Variants in EPHA6 observed in about 807,000 individuals in gnomAD.
The protein encoded by EPHA6 is ephrin type-A receptor 6.
A neutral mutation model predicts 112.0 loss-of-function variants in EPHA6; 50 were observed. That is an observed-to-expected ratio of 0.45 (90% CI 0.36 to 0.56). The LOEUF is 0.56. Among genes scored for constraint, EPHA6 ranks in the 20% least tolerant of loss-of-function variants. The probability of loss-of-function intolerance (pLI) is 0.00; values close to 1 mark genes in which losing one functional copy is unlikely to be tolerated. For missense variants in EPHA6, 1,280 were observed against 1,417.4 expected (o/e 0.90, Z 1.56); for synonymous variants, 529 against 490.7 (o/e 1.08, Z -1.03).
chr3:97,307,679 G>T (rs1204904704), intron 5 of EPHA6, among the ~76,000 whole-genome samples: 6 of 149,000 alleles, frequency 4.0e-5, no homozygotes, highest in African/African-American at 1.5e-4. Flanking sequence ...CTGTATTTAA[G>T]ATGAATCTCC....
Position 97,390,207 on chromosome 3 carries a change from A to G in EPHA6, c.1607-14943A>G, listed in dbSNP as rs75182603. Among the ~76,000 whole-genome samples the G allele has an allele frequency of 1.9e-3, 292 of 152,162 alleles. 8 individuals are homozygous for G. The East Asian group carries it at 0.05, about 26-fold the overall frequency. The stretch of plus-strand genomic sequence containing the variant: ...TCAAGATTTATTTCTATGGGCTTGA[A>G]CCAGAAACAATGGCAGTGAATTTGC... On this transcript the variant is annotated intron_variant, in intron 5 of 17. Transcript: ENST00000389672.
At chr3:97,430,975 C>G (rs1431723453) in intron 6 of EPHA6, among the ~76,000 whole-genome samples, 1 of 151,842 alleles carries the variant, frequency 6.6e-6, no homozygotes, top group South Asian at 2.1e-4. Flanking sequence ...CGTACTGATT[C>G]TATATTTTTA....
At chr3:97,113,326 T>G (rs1037579186) in intron 3 of EPHA6, among the ~76,000 whole-genome samples, 9 of 152,098 alleles carry the variant, frequency 5.9e-5, no homozygotes, top group Non-Finnish European at 1.0e-4. Flanking sequence ...GCCATGTAAC[T>G]GAGCAGAGTG....
At chr3:97,537,276 C>CATGA (rs1395646380) in intron 11 of EPHA6, among the ~76,000 whole-genome samples, 1 of 152,022 alleles carries the variant, frequency 6.6e-6, no homozygotes, top group East Asian at 1.9e-4. Context: ...CCCTGAGGTT[C>CATGA]AGCTCCTAGT....
intron 2 of EPHA6, among the ~76,000 whole-genome samples, chr3:96,952,789 CA>C (rs1330710260): frequency 6.6e-6 from 1 of 151,926 alleles, no homozygotes; most frequent in East Asian, 1.9e-4. Context: ...TTGTCACTTA[CA>C]ATTGGGAGCA....
At chr3:97,307,110 A>C (rs1207217441) in intron 5 of EPHA6, among the ~76,000 whole-genome samples, 1 of 151,776 alleles carries the variant, frequency 6.6e-6, no homozygotes, top group Admixed American at 6.6e-5. Context: ...CATATTCCTA[A>C]CAATGCATTT....
chr3:97,613,214 C>T (rs1321386674), intron 13 of EPHA6, among the ~76,000 whole-genome samples: 1 of 152,028 alleles, frequency 6.6e-6, no homozygotes. Context: ...CTCAACTCCC[C>T]ATGACAAGCG....
At chr3:97,478,057 G>C (rs2091428300) in intron 8 of EPHA6, among the ~76,000 whole-genome samples, 1 of 151,900 alleles carries the variant, frequency 6.6e-6, no homozygotes, top group East Asian at 1.9e-4. Flanking sequence ...TGTTTATGGA[G>C]GGAGTAATTT....
chr3:97,452,631 A>C (rs1007842508), intron 7 of EPHA6, among the ~76,000 whole-genome samples: 1 of 151,776 alleles, frequency 6.6e-6, no homozygotes, highest in Non-Finnish European at 1.5e-5. Context: ...CAGTAGTAAG[A>C]AAGTAAGAAT....
intron 1 of EPHA6, among the ~76,000 whole-genome samples, chr3:96,845,331 G>C (rs2035004928): frequency 2.0e-5 from 3 of 151,906 alleles, no homozygotes; most frequent in South Asian, 4.1e-4. Context: ...GTTGTGCTGG[G>C]GCTAGTCTCA....
At chr3:97,513,476 A>G (rs2092399318) in intron 10 of EPHA6, among the ~76,000 whole-genome samples, 1 of 152,220 alleles carries the variant, frequency 6.6e-6, no homozygotes, top group African/African-American at 2.4e-5. Context: ...TATGTACACA[A>G]TAGAATACTA....
At chr3:97,179,790 G>A (rs1309468413) in intron 3 of EPHA6, among the ~76,000 whole-genome samples, 2 of 148,570 alleles carry the variant, frequency 1.3e-5, no homozygotes, top group South Asian at 4.2e-4. Flanking sequence ...GAGGTGGGGT[G>A]TTACAATTGC....
chr3:97,096,362 T>C lies in EPHA6; in HGVS notation c.1114+108369T>C, dbSNP rs1407603525. On this transcript the variant is annotated intron_variant, in intron 3 of 17. Coordinates refer to ENST00000389672, the MANE Select transcript of EPHA6 (RefSeq NM_001080448.3). ...AGCTTTTCATAGGAAATATGAGTAGTTTAAATATTTAGAGTAGTTTAGAAG... is the reference window on the plus strand; with the variant it reads ...AGCTTTTCATAGGAAATATGAGTAGCTTAAATATTTAGAGTAGTTTAGAAG... Among the ~76,000 whole-genome samples the C allele has an allele frequency of 3.3e-5, 5 of 151,944 alleles. No individual in the cohort carries two copies. The South Asian group carries it at 1.0e-3, about 31-fold the overall frequency.
intron 3 of EPHA6, among the ~76,000 whole-genome samples, chr3:97,042,602 C>G (rs1383701961): frequency 1.3e-5 from 2 of 152,080 alleles, no homozygotes; most frequent in Non-Finnish European, 2.9e-5. Context: ...TGTCTCAGGA[C>G]TCTCTTAGGA....
chr3:96,930,182 A>C (rs1423046166), intron 2 of EPHA6, among the ~76,000 whole-genome samples: 1 of 152,144 alleles, frequency 6.6e-6, no homozygotes, highest in Non-Finnish European at 1.5e-5. Context: ...AGCTCAGCAA[A>C]GTTTGTTATT....
chr3:97,422,927 G>GA (rs1452969961), intron 6 of EPHA6, among the ~76,000 whole-genome samples: 1 of 152,164 alleles, frequency 6.6e-6, no homozygotes, highest in Non-Finnish European at 1.5e-5. Flanking sequence ...AGTAGGTGCA[G>GA]AAAAGGCTTT....
intron 15 of EPHA6, among the ~76,000 whole-genome samples, chr3:97,726,185 T>C (rs1174341643): frequency 6.6e-6 from 1 of 152,118 alleles, no homozygotes; most frequent in Non-Finnish European, 1.5e-5. Context: ...AAAGTACAAG[T>C]AGCTTACCCA....
chr3:96,989,926 T>C (rs2043155056), intron 3 of EPHA6, among the ~76,000 whole-genome samples: 1 of 152,046 alleles, frequency 6.6e-6, no homozygotes, highest in Non-Finnish European at 1.5e-5. Context: ...TTTATACATA[T>C]GAATAATTAT....
At chr3:97,619,440 G>GC (rs2093794974) in intron 13 of EPHA6, among the ~76,000 whole-genome samples, 1 of 148,660 alleles carries the variant, frequency 6.7e-6, no homozygotes, top group African/African-American at 2.4e-5. Flanking sequence ...AAAAGGGGGG[G>GC]GGGGGCATCC....
Sources: gnomAD v4.1 joint callset for allele counts (sites outside exome capture counted in the v4.1 genomes callset) on GRCh38, gnomAD v4.1.1 for gene constraint, MANE v1.5 for transcripts, NCBI Gene and HGNC (gene_info 2026-07-23, HGNC 2026-07-21) for gene names.